Variants in PEX5L observed in about 807,000 individuals in gnomAD.
PEX5L encodes the protein peroxisomal biogenesis factor 5 like.
Under a neutral mutation model 84.0 loss-of-function variants are expected in PEX5L, and 30 were observed. That is an observed-to-expected ratio of 0.36 (90% CI 0.27 to 0.48). PEX5L has a LOEUF of 0.48. PEX5L is among the 20% of genes least tolerant of loss of function. The pLI, the probability that PEX5L is intolerant of heterozygous loss-of-function variation, is 0.99. For missense variants in PEX5L, 533 were observed against 754.6 expected, an observed-to-expected ratio of 0.71 and a Z score of 3.44; for synonymous variants, 270 against 283.1, an observed-to-expected ratio of 0.95 and a Z score of 0.46.
rs762540092 is a variant in PEX5L at position 179,808,315 on chromosome 3, C to G, written c.1475G>C (p.Arg492Thr). 1 of 1,604,218 alleles carries G rather than the reference C, an allele frequency of 6.2e-7. No homozygotes were observed. Among genetic ancestry groups the G allele is most frequent in the South Asian group, 1.1e-5 (1 of 89,094 alleles). ...GGCAGCGTTAAATGCATCTATTGCTCTATTAAATTCTCCACTCAGGTGGAA... is the reference window on the plus strand; with the variant it reads ...GGCAGCGTTAAATGCATCTATTGCTGTATTAAATTCTCCACTCAGGTGGAA... Reference protein sequence around the residue: ...VLFHLSGEFNRAIDAFNAALT... With the variant: ...VLFHLSGEFNTAIDAFNAALT... Residue 492 changes from arginine (R) to threonine (T), a missense_variant, in exon 13 of 15, where the codon AGA becomes ACA. Arg to Thr is a moderately conservative substitution (Grantham distance 71, BLOSUM62 -1). Around this residue, in one of 8 missense-constraint regions of PEX5L, gnomAD observed 105 missense variants for 204.6 expected, o/e 0.51. Coordinates refer to ENST00000467460, the MANE Select transcript of PEX5L (RefSeq NM_016559.3).
chr3:180,027,854 A>T (rs1791105425), intron 1 of PEX5L, among the ~76,000 whole-genome samples: 1 of 152,206 alleles, frequency 6.6e-6, no homozygotes, highest in East Asian at 1.9e-4. Context: ...TATTTTGGAA[A>T]AACACAATCT....
intron 8 of PEX5L, among the ~76,000 whole-genome samples, chr3:179,853,069 G>A (rs1338373610): frequency 6.6e-6 from 1 of 152,196 alleles, no homozygotes; most frequent in Non-Finnish European, 1.5e-5. Context: ...AAAGAAGGAA[G>A]TCACAATCTG....
intron 2 of PEX5L, among the ~76,000 whole-genome samples, chr3:179,932,719 T>C (rs1560777188): frequency 6.6e-6 from 1 of 152,178 alleles, no homozygotes; most frequent in Admixed American, 6.5e-5. Flanking sequence ...GCCCCAGACT[T>C]AAAAAAATTA....
At chr3:179,950,742 C>T (rs959945511) in intron 2 of PEX5L, among the ~76,000 whole-genome samples, 3 of 152,188 alleles carry the variant, frequency 2.0e-5, no homozygotes, top group Admixed American at 6.5e-5. Flanking sequence ...ACATGCCCCT[C>T]ACTGGCACTG....
At chr3:179,893,167 G>C (rs538267080) in intron 3 of PEX5L, among the ~76,000 whole-genome samples, 3 of 152,104 alleles carry the variant, frequency 2.0e-5, no homozygotes, top group African/African-American at 7.2e-5. Flanking sequence ...ACTCAGACTG[G>C]CCAGCTGATG....
intron 8 of PEX5L, among the ~76,000 whole-genome samples, chr3:179,856,939 G>C (rs75852618): frequency 6.6e-6 from 1 of 152,162 alleles, no homozygotes; most frequent in Non-Finnish European, 1.5e-5. Flanking sequence ...ATGAACAAGT[G>C]GTTTGTCCAA....
At chr3:179,877,791 A>G (rs1752903041) in intron 5 of PEX5L, among the ~76,000 whole-genome samples, 1 of 152,196 alleles carries the variant, frequency 6.6e-6, no homozygotes, top group African/African-American at 2.4e-5. Context: ...AAATCTATAA[A>G]TGTTATTAAC....
chr3:179,997,616 C>T (rs914973840), intron 1 of PEX5L, among the ~76,000 whole-genome samples: 1 of 152,196 alleles, frequency 6.6e-6, no homozygotes, highest in African/African-American at 2.4e-5. Flanking sequence ...GTGGTAATTC[C>T]CACCACATCC....
intron 1 of PEX5L, among the ~76,000 whole-genome samples, chr3:179,980,938 T>C (rs564707521): frequency 4.6e-5 from 7 of 151,710 alleles, no homozygotes; most frequent in Non-Finnish European, 8.8e-5. Flanking sequence ...GCAGGAAAAT[T>C]GCTTGAAGCC....
intron 4 of PEX5L, among the ~76,000 whole-genome samples, chr3:179,885,824 G>C (rs920262511): frequency 1.3e-5 from 2 of 152,156 alleles, no homozygotes; most frequent in Admixed American, 1.3e-4. Context: ...ACGTTCATGG[G>C]GTGCATGGCC....
At chr3:179,915,679 G>A (rs1335118749) in intron 2 of PEX5L, among the ~76,000 whole-genome samples, 2 of 152,198 alleles carry the variant, frequency 1.3e-5, no homozygotes, top group Admixed American at 6.5e-5. Context: ...CACAGGGAGC[G>A]TGTTTATAAA....
intron 1 of PEX5L, among the ~76,000 whole-genome samples, chr3:180,022,025 T>TTGATTCTGGTTTCTTAC (rs11275739): frequency 0.15 from 23,306 of 152,114 alleles, 2,296 homozygotes; most frequent in African/African-American, 0.28. Context: ...CTATTACTTA[T>TTGATTCTGGTTTCTTAC]TGATTCTGAA....
At chr3:179,852,003 G>T (rs1482916572) in intron 8 of PEX5L, among the ~76,000 whole-genome samples, 2 of 152,140 alleles carry the variant, frequency 1.3e-5, no homozygotes, top group African/African-American at 4.8e-5. Context: ...AGAGAGTAGT[G>T]GAATGGGACG....
At chr3:179,898,331 C>G in intron 2 of PEX5L, 85 bp from the exon 3 acceptor site, 1 of 951,382 alleles carries the variant, frequency 1.1e-6, no homozygotes, top group Non-Finnish European at 1.6e-6. Context: ...GTTTAAAGAG[C>G]AATCCAACAT....
chr3:179,972,029 T>C (rs1784888340), intron 1 of PEX5L, among the ~76,000 whole-genome samples: 2 of 152,278 alleles, frequency 1.3e-5, no homozygotes, highest in Middle Eastern at 3.4e-3. Context: ...GAAAGTTCAT[T>C]TAGCTTTATA....
At chr3:179,954,023 G>C (rs1010734492) in intron 2 of PEX5L, among the ~76,000 whole-genome samples, 3 of 152,108 alleles carry the variant, frequency 2.0e-5, no homozygotes, top group African/African-American at 7.2e-5. Flanking sequence ...TTTTAACCTT[G>C]TGTCTCTCAA....
Position 179,815,890 on chromosome 3 carries a change from C to T in PEX5L, c.1054G>A (p.Ala352Thr). The change falls in exon 10 of 15, where the codon GCA (alanine) becomes ACA (threonine). Residue 352 changes from alanine to threonine, a missense_variant. Around this residue, in one of 8 missense-constraint regions of PEX5L, gnomAD observed 3 missense variants for 22.6 expected, o/e 0.13. Transcript: ENST00000467460. The part of the protein sequence containing the change: ...LPVTILFMEA[A>T]ILQDPGDAEA... ...GCATCTCCAGGGTCCTGAAGAATTG[C>T]TGCTTCCATGAACAGGATGGTGACT... The T allele has an allele frequency of 6.2e-7, 1 of 1,614,178 alleles. No homozygotes were observed. Among genetic ancestry groups the T allele is most frequent in the Non-Finnish European group, 8.5e-7 (1 of 1,180,016 alleles).
chr3:179,866,742 C>T (rs997094393), intron 7 of PEX5L, among the ~76,000 whole-genome samples: 4 of 151,848 alleles, frequency 2.6e-5, no homozygotes, highest in African/African-American at 4.8e-5. Flanking sequence ...AAAGTACACA[C>T]GGCCGGGCAC....
At chr3:179,874,726 G>GTTTTTTTTTTTTTTTTTTTCT (rs869167224) in intron 6 of PEX5L, among the ~76,000 whole-genome samples, 1 of 45,200 alleles carries the variant, frequency 2.2e-5, no homozygotes, top group Non-Finnish European at 4.3e-5. Context: ...AAAAATTATG[G>GTTTTTTTTTTTTTTTTTTTCT]TTTTTTTTTT....
Sources: gnomAD v4.1 joint callset for allele counts (sites outside exome capture counted in the v4.1 genomes callset) on GRCh38, gnomAD v4.1.1 for gene constraint, gnomAD v4.1.1 regional missense constraint, MANE v1.5 for transcripts, NCBI Gene and HGNC (gene_info 2026-07-23, HGNC 2026-07-21) for gene names.